PAK3: variants seen among roughly 807,000 people sequenced by gnomAD.
The protein encoded by PAK3 is p21 (RAC1) activated kinase 3, also known as serine/threonine-protein kinase PAK 3.
Under a neutral mutation model 41.0 loss-of-function variants are expected in PAK3, and 4 were observed. The ratio of observed to expected loss-of-function variants is 0.10; its 90% CI spans 0.05 to 0.22. PAK3 has a LOEUF of 0.22. PAK3 is among the 10% of genes least tolerant of loss of function. The probability of loss-of-function intolerance (pLI) is 1.00; values close to 1 mark genes in which losing one functional copy is unlikely to be tolerated. For synonymous variants in PAK3, 146 were observed against 139.6 expected, an observed-to-expected ratio of 1.05 and a Z score of -0.32; for missense variants, 205 against 409.9, an observed-to-expected ratio of 0.50 and a Z score of 4.32.
At chrX:110,949,991 C>G (rs1001660887) in intron 1 of PAK3, among the ~76,000 whole-genome samples, 6 of 110,990 alleles carry the variant, frequency 5.4e-5, no homozygotes, top group Admixed American at 9.6e-5. Context: ...CACCTAAATA[C>G]CAAAAGCTCA....
chrX:110,964,549 C>T lies in PAK3; in HGVS notation c.-28+19921C>T, dbSNP rs148112003. Among the ~76,000 whole-genome samples, 574 of 112,082 alleles carry T rather than the reference C, an allele frequency of 5.1e-3. 5 individuals carry two copies. Among genetic ancestry groups the T allele is most frequent in the African/African-American group, 0.018 (545 of 30,824 alleles). ...GAGCAGGGCTGCACAGACTGCACTG[C>T]ACAACTCCAGGGAGCACTGTTCACA... is the stretch of plus-strand genomic sequence containing the variant. On this transcript the variant is annotated intron_variant, in intron 1 of 14. Coordinates refer to the PAK3 transcript ENST00000425146.
At chrX:111,058,224 G>C (rs2092622303) in intron 1 of PAK3, among the ~76,000 whole-genome samples, 1 of 111,651 alleles carries the variant, frequency 9.0e-6, no homozygotes, top group African/African-American at 3.3e-5. Flanking sequence ...GTCATATAGT[G>C]ACTCTATGTT....
At position 110,953,583 on chromosome X, in the gene PAK3, T is replaced by C. The variant is rs1298388777; in HGVS notation, c.-28+8955T>C. On this transcript the variant is annotated intron_variant, in intron 1 of 14. Coordinates refer to the PAK3 transcript ENST00000425146. ...CTTCTTAGGTGATTTGGGAGAAGAC[T>C]GGAACACCCTCCAGAGGTAACTTTC... Among the ~76,000 whole-genome samples, 6 of 112,265 alleles carry C rather than the reference T, an allele frequency of 5.3e-5. No individual in the cohort carries two copies. The East Asian group carries it at 1.7e-3, about 32-fold the overall frequency.
At chrX:110,961,561 T>C (rs2090977898) in intron 1 of PAK3, among the ~76,000 whole-genome samples, 1 of 111,904 alleles carries the variant, frequency 8.9e-6, no homozygotes, top group African/African-American at 3.2e-5. Context: ...CTTTCCTCAT[T>C]CTTGTAGATC....
At position 111,006,820 on chromosome X, in the gene PAK3, T is replaced by TCTTA. The variant is rs1309048913; in HGVS notation, c.-28+62195_-28+62196insACTT. Among the ~76,000 whole-genome samples the TCTTA allele has an allele frequency of 3.3e-4, 4 of 12,033 alleles. No individual in the cohort carries two copies. The East Asian group carries it at 0.091, about 273-fold the overall frequency. The allele number at this position is 12,033 out of a possible 115,157, so 10.4% of individuals were successfully genotyped here. A position where few individuals can be genotyped will look rare whatever the true frequency, so the allele number is the denominator to read the frequency against. ...CTGAGAATCTGCATTTCCCTTTCTT[T>TCTTA]CTTTCTTTCTTTCTTTCTTTCTTTC... On this transcript the variant is annotated intron_variant, in intron 1 of 14. Coordinates refer to the PAK3 transcript ENST00000425146.
chrX:111,011,422 T>A (rs1569505549), intron 1 of PAK3, among the ~76,000 whole-genome samples: 2 of 111,753 alleles, frequency 1.8e-5, no homozygotes, highest in Admixed American at 9.5e-5. Flanking sequence ...TTCATCTCCC[T>A]GGCATGCAAG....
chrX:111,222,420 G>A lies in PAK3; in HGVS notation c.*1973G>A, dbSNP rs1412996207. 1 of 111,730 alleles carries A rather than the reference G, an allele frequency of 9.0e-6. No individual in the cohort carries two copies. The highest frequency in any genetic ancestry group is 2.8e-4 in the East Asian group (1 of 3,579). 9.2% of individuals were successfully genotyped at this position (111,730 alleles called of 1,213,427 possible). A position where few individuals can be genotyped will look rare whatever the true frequency, so the allele number is the denominator to read the frequency against. On this transcript the variant is annotated 3_prime_UTR_variant, in exon 18 of 18. Coordinates refer to ENST00000372007, the MANE Select transcript of PAK3 (RefSeq NM_002578.5). ...GGGAGAGGCTTGACCTCCTCCCCTTGAAAATGTCCACAGTGGGATAAAACA... is the reference window on the plus strand; with the variant it reads ...GGGAGAGGCTTGACCTCCTCCCCTTAAAAATGTCCACAGTGGGATAAAACA...
chrX:111,149,661 T>C (rs1438362697), intron 7 of PAK3, among the ~76,000 whole-genome samples: 2 of 112,315 alleles, frequency 1.8e-5, no homozygotes, highest in African/African-American at 6.5e-5. Flanking sequence ...TGTTGGCCCC[T>C]TTCAGATAAA....
intron 4 of PAK3, among the ~76,000 whole-genome samples, chrX:111,111,076 A>C (rs2093363476): frequency 9.0e-6 from 1 of 111,607 alleles, no homozygotes; most frequent in African/African-American, 3.3e-5. Flanking sequence ...CTTCCTGAGC[A>C]ATTGTGCATA....
At chrX:111,047,210 T>C (rs1386795078) in intron 1 of PAK3, among the ~76,000 whole-genome samples, 2 of 111,914 alleles carry the variant, frequency 1.8e-5, no homozygotes, top group South Asian at 3.7e-4. Context: ...AGAGGACTAA[T>C]GCGTGAGGAT....
At position 111,073,300 on chromosome X, in the gene PAK3, C is replaced by T. The variant is rs374046115; in HGVS notation, c.-27-49777C>T. 1.8e-3 allele frequency among the ~76,000 whole-genome samples: 197 copies of T among 111,724 alleles called. 2 individuals are homozygous for T. Among genetic ancestry groups the T allele is most frequent in the African/African-American group, 6.2e-3 (190 of 30,766 alleles). ...AGAAGATCTTAAATAAATAACCTAA[C>T]ATTACACCTCAGGGAACTAGAAAAA... On this transcript the variant is annotated intron_variant, in intron 1 of 14. Transcript: ENST00000425146.
rs2094956463 is a variant in PAK3, at chrX:111,227,015, T to A, written c.*6568T>A. Reference sequence around the variant, plus strand: ...GTTTTCATTGTTTATCAGAATTGTATCTCATTTGGCTGAGCATTACTTTTG... The same window carrying A: ...GTTTTCATTGTTTATCAGAATTGTAACTCATTTGGCTGAGCATTACTTTTG... On this transcript the variant is annotated 3_prime_UTR_variant, in exon 18 of 18. Transcript: ENST00000372007. 8.9e-6 allele frequency: 1 copy of A among 112,426 alleles called. No individual in the cohort carries two copies. Among genetic ancestry groups the A allele is most frequent in the Admixed American group, 9.4e-5 (1 of 10,623 alleles). 9.3% of individuals were successfully genotyped at this position (112,426 alleles called of 1,213,427 possible).
chrX:110,945,050 C>T (rs912806888), intron 1 of PAK3, among the ~76,000 whole-genome samples: 3 of 112,346 alleles, frequency 2.7e-5, no homozygotes, highest in Admixed American at 9.3e-5. Context: ...CTTCCAGCTC[C>T]AGGCTAGGCT....
intron 1 of PAK3, among the ~76,000 whole-genome samples, chrX:110,953,869 G>A (rs142641923): frequency 8.9e-6 from 1 of 111,851 alleles, no homozygotes; most frequent in African/African-American, 3.2e-5. Context: ...AAGCCCTTTG[G>A]CACACTACCT....
rs528562404 is a variant in PAK3 at position 111,147,012 on chromosome X, C to G, written c.277-725C>G. On this transcript the variant is annotated intron_variant, in intron 6 of 17. Coordinates refer to ENST00000372007, the MANE Select transcript of PAK3 (RefSeq NM_002578.5). ...AGGCTTTGTCGTGGTTTTCATAGTC[C>G]CCAGGTTCTATGTGGCCTATAAATG... is the stretch of plus-strand genomic sequence containing the variant. Among the ~76,000 whole-genome samples, 9 of 110,975 alleles carry G rather than the reference C, an allele frequency of 8.1e-5. No individual in the cohort carries two copies. The South Asian group carries it at 3.5e-3, about 43-fold the overall frequency.
At chrX:111,091,426 A>C (rs181535290), upstream of PAK3, among the ~76,000 whole-genome samples, 11 of 111,853 alleles carry the variant, frequency 9.8e-5, no homozygotes, top group Admixed American at 1.0e-3. Flanking sequence ...GGAGAGAGGC[A>C]AGGCGAGTTC....
At chrX:111,172,562 A>C (rs1215007815) in intron 10 of PAK3, among the ~76,000 whole-genome samples, 1 of 110,908 alleles carries the variant, frequency 9.0e-6, no homozygotes, top group African/African-American at 3.3e-5. Flanking sequence ...GTGTGTATTC[A>C]TTGTTTAGCT....
intron 1 of PAK3, among the ~76,000 whole-genome samples, chrX:110,976,585 T>A (rs925980193): frequency 8.9e-6 from 1 of 111,806 alleles, no homozygotes; most frequent in African/African-American, 3.3e-5. Context: ...GAATTACCAT[T>A]TGACCCAGCA....
intron 17 of PAK3, among the ~76,000 whole-genome samples, chrX:111,218,638 A>G (rs1002818538): frequency 2.7e-5 from 3 of 111,506 alleles, no homozygotes; most frequent in African/African-American, 9.8e-5. Context: ...TAGCTGAAAT[A>G]AAGAGTTCAA....
Sources: gnomAD v4.1 joint callset for allele counts (sites outside exome capture counted in the v4.1 genomes callset) on GRCh38, gnomAD v4.1.1 for gene constraint, MANE v1.5 for transcripts, NCBI Gene and HGNC (gene_info 2026-07-23, HGNC 2026-07-21) for gene names.